CELF2: variants seen among roughly 807,000 people sequenced by gnomAD.
The protein encoded by CELF2 is CUGBP Elav-like family member 2, also known as CUG triplet repeat RNA-binding protein 2.
A neutral mutation model predicts 62.6 loss-of-function variants in CELF2; 8 were observed. That is an observed-to-expected ratio of 0.13 (90% confidence interval 0.07 to 0.23). The LOEUF is 0.23. CELF2 is among the 10% of genes least tolerant of loss of function. The pLI is 1.00. For missense variants in CELF2, 333 were observed against 671.0 expected (o/e 0.50, Z 5.56); for synonymous variants, 258 against 250.0 (o/e 1.03, Z -0.30).
At chr10:11,026,449 G>A (rs2138501533) in intron 1 of CELF2, among the ~76,000 whole-genome samples, 1 of 152,310 alleles carries the variant, frequency 6.6e-6, no homozygotes, top group South Asian at 2.1e-4. Context: ...AAGTAAAACA[G>A]GGTTGAAATC....
chr10:11,071,192 G>A (rs368583192), intron 1 of CELF2, among the ~76,000 whole-genome samples: 26 of 152,132 alleles, frequency 1.7e-4, no homozygotes, highest in African/African-American at 3.9e-4. Flanking sequence ...TTGAATTGTC[G>A]TGCTTCCCTG....
chr10:11,288,368 G>A (rs1482933870), intron 8 of CELF2, 50 bp from the exon 9 acceptor site: 3 of 1,604,754 alleles, frequency 1.9e-6, no homozygotes, highest in East Asian at 4.5e-5. Flanking sequence ...TTTGGAAACT[G>A]TAGAAGTGTG....
Position 11,243,852 on chromosome 10 carries a change from C to T in CELF2, c.355-5301C>T, listed in dbSNP as rs866325427. Among the ~76,000 whole-genome samples the T allele has an allele frequency of 3.9e-4, 60 of 152,342 alleles. 2 individuals carry two copies. In the Middle Eastern group the frequency reaches 0.024, roughly 60 times the overall value. ...ATGCAGCCTCAGTTTAATTAGCACACGTCTCTTCAGAGACTCCTTGCAAAA... is the reference window on the plus strand; with the variant it reads ...ATGCAGCCTCAGTTTAATTAGCACATGTCTCTTCAGAGACTCCTTGCAAAA... On this transcript the variant is annotated intron_variant, in intron 3 of 12. Transcript: ENST00000633077. This position sits in a 1 kb window ranked among gnomAD's most constrained non-coding sequence, Gnocchi z 4.1.
the CELF2 span, among the ~76,000 whole-genome samples, chr10:10,666,284 G>A: frequency 6.6e-6 from 1 of 152,108 alleles, no homozygotes; most frequent in African/African-American, 2.4e-5. Context: ...ACTTCAGGTC[G>A]GGGTGCTGTG....
chr10:11,188,702 T>C (rs1421280229), intron 2 of CELF2, among the ~76,000 whole-genome samples: 1 of 152,214 alleles, frequency 6.6e-6, no homozygotes, highest in Admixed American at 6.5e-5. Context: ...AAAACTTTCA[T>C]CCCTTTCTTT....
intron 1 of CELF2, among the ~76,000 whole-genome samples, chr10:10,814,611 A>C (rs2056274879): frequency 6.6e-6 from 1 of 152,174 alleles, no homozygotes; most frequent in Admixed American, 6.5e-5. Context: ...CTAGAGAATG[A>C]GAACACTGTT....
chr10:10,836,231 A>G (rs965297571), intron 1 of CELF2, among the ~76,000 whole-genome samples: 7 of 152,062 alleles, frequency 4.6e-5, no homozygotes, highest in African/African-American at 1.7e-4. Flanking sequence ...AGAAAGGAGG[A>G]GGGGGGACCT....
chr10:10,675,943 C>T, the CELF2 span, among the ~76,000 whole-genome samples: 1 of 152,126 alleles, frequency 6.6e-6, no homozygotes, highest in Non-Finnish European at 1.5e-5. Context: ...TTCCAACTTC[C>T]CAGTATGTTT....
At chr10:10,736,396 C>CTTTTTTTTT in the CELF2 span, among the ~76,000 whole-genome samples, 1 of 76,016 alleles carries the variant, frequency 1.3e-5, no homozygotes, top group African/African-American at 5.0e-5. Context: ...TTCTTTCTTT[C>CTTTTTTTTT]TTTTTTTTTT....
chr10:10,786,893 A>T, the CELF2 span: 1 of 149,154 alleles, frequency 6.7e-6, no homozygotes, highest in Non-Finnish European at 1.5e-5. Flanking sequence ...AAACACACAC[A>T]CGTAGACACA....
the CELF2 span, among the ~76,000 whole-genome samples, chr10:10,636,539 C>T: frequency 2.0e-5 from 3 of 152,160 alleles, no homozygotes; most frequent in Admixed American, 6.5e-5. Context: ...CTGCATTGTG[C>T]AATGAAATGG....
Position 10,995,422 on chromosome 10 carries a change from C to T in CELF2, c.89+75423C>T, listed in dbSNP as rs2053851464. ...TATTTAAGCTCAGCCCTGAAGGATA[C>T]ACAGAAATAAACCCAGTCACAGGGT... is the stretch of plus-strand genomic sequence containing the variant. On this transcript the variant is annotated intron_variant, in intron 2 of 13. Coordinates refer to the CELF2 transcript ENST00000636488. The surrounding 1 kb of genome is among the most constrained non-coding windows in gnomAD (Gnocchi z 4.7). 6.6e-6 allele frequency among the ~76,000 whole-genome samples: 1 copy of T among 152,150 alleles called. No homozygotes were observed. The highest frequency in any genetic ancestry group is 2.4e-5 in the African/African-American group (1 of 41,438).
chr10:11,064,148 C>G (rs1009565145), intron 1 of CELF2, among the ~76,000 whole-genome samples: 5 of 152,102 alleles, frequency 3.3e-5, no homozygotes, highest in Non-Finnish European at 7.3e-5. Context: ...TGAGTCTTCT[C>G]GAAGTCTAAA....
At chr10:11,129,264 G>A (rs540318220) in intron 1 of CELF2, among the ~76,000 whole-genome samples, 100 of 152,302 alleles carry the variant, frequency 6.6e-4, no homozygotes, top group African/African-American at 2.0e-3. Flanking sequence ...TTGATGTGCT[G>A]CTGGATTCGG....
intron 11 of CELF2, among the ~76,000 whole-genome samples, chr10:11,325,051 AG>A (rs2095652452): frequency 6.6e-6 from 1 of 152,184 alleles, no homozygotes; most frequent in South Asian, 2.1e-4. Flanking sequence ...AGGAAAAGCG[AG>A]GGCAGCTTAG....
At chr10:10,906,471 A>G (rs1037094993) in intron 1 of CELF2, among the ~76,000 whole-genome samples, 1 of 152,224 alleles carries the variant, frequency 6.6e-6, no homozygotes, top group Non-Finnish European at 1.5e-5. Context: ...GGAGACAAGC[A>G]GGAATGAACT....
At chr10:10,544,058 T>A in the CELF2 span, among the ~76,000 whole-genome samples, 178 of 152,302 alleles carry the variant, frequency 1.2e-3, no homozygotes, top group African/African-American at 4.2e-3. Context: ...TGTTCTAAAG[T>A]TGTTAAAGGA....
chr10:10,471,797 A>C, the CELF2 span, among the ~76,000 whole-genome samples: 185 of 151,892 alleles, frequency 1.2e-3, no homozygotes, highest in South Asian at 0.022. Context: ...CCTGGTAATA[A>C]ATTTTCTCAC....
the CELF2 span, among the ~76,000 whole-genome samples, chr10:10,576,119 C>T: frequency 6.6e-6 from 1 of 152,170 alleles, no homozygotes; most frequent in African/African-American, 2.4e-5. Flanking sequence ...AGCCCCAGAT[C>T]TTTTCTGTTT....
Sources: gnomAD v4.1 joint callset for allele counts (sites outside exome capture counted in the v4.1 genomes callset) on GRCh38, gnomAD v4.1.1 for gene constraint, Gnocchi (gnomAD v3.1) non-coding constraint, MANE v1.5 for transcripts, NCBI Gene and HGNC (gene_info 2026-07-23, HGNC 2026-07-21) for gene names.